Variants in IL33 observed in about 807,000 individuals in gnomAD.
The protein encoded by IL33 is interleukin-33.
A neutral mutation model predicts 27.3 loss-of-function variants in IL33; 37 were observed. The observed-to-expected ratio is 1.36, with a 90% confidence interval of 1.04 to 1.78. The LOEUF (loss-of-function observed/expected upper bound fraction) is 1.78. Ranked by LOEUF, IL33 falls within the 40% of genes most tolerant of loss-of-function variation. IL33 has a pLI of 0.00. For missense variants in IL33, 406 were observed against 311.4 expected, an observed-to-expected ratio of 1.30 and a Z score of -2.29; for synonymous variants, 132 against 102.9, an observed-to-expected ratio of 1.28 and a Z score of -1.71.
At chr9:6,222,217 C>T (rs777540596) in intron 1 of IL33, among the ~76,000 whole-genome samples, 3 of 152,154 alleles carry the variant, frequency 2.0e-5, no homozygotes, top group Non-Finnish European at 4.4e-5. Flanking sequence ...CCTCTGTACT[C>T]TTCAGTTTTA....
At chr9:6,220,630 A>G (rs538319122) in intron 1 of IL33, among the ~76,000 whole-genome samples, 3 of 152,128 alleles carry the variant, frequency 2.0e-5, no homozygotes, top group Admixed American at 6.5e-5. Context: ...TCCTCCCTAA[A>G]TTTTATTTTT....
chr9:6,218,651 C>G (rs7869067), intron 1 of IL33, among the ~76,000 whole-genome samples: 1 of 120,076 alleles, frequency 8.3e-6, no homozygotes, highest in Non-Finnish European at 1.7e-5. Context: ...TCTCCCTATA[C>G]ATATGTCCCC....
chr9:6,220,066 C>A (rs1272908322), intron 1 of IL33, among the ~76,000 whole-genome samples: 2 of 152,192 alleles, frequency 1.3e-5, no homozygotes, highest in Non-Finnish European at 2.9e-5. Flanking sequence ...AACCTTCTGT[C>A]TATTTCCTTC....
Position 6,220,560 on chromosome 9 carries a change from AG to A in IL33, c.-12+4709del, listed in dbSNP as rs535784739. Among the ~76,000 whole-genome samples the A allele has an allele frequency of 5.3e-3, 804 of 152,128 alleles. 3 individuals are homozygous for A. Among genetic ancestry groups the A allele is most frequent in the African/African-American group, 0.018 (753 of 41,506 alleles). On this transcript the variant is annotated intron_variant, in intron 1 of 7. Coordinates refer to ENST00000682010, the MANE Select transcript of IL33 (RefSeq NM_033439.4). ...TTTCTCCACTTGTTCTTTTCTTTGG[AG>A]AATTATTAGACCCAAACATGAACTT...
intron 1 of IL33, among the ~76,000 whole-genome samples, chr9:6,226,903 T>G (rs1204840191): frequency 2.0e-5 from 3 of 152,206 alleles, no homozygotes; most frequent in Non-Finnish European, 4.4e-5. Context: ...GTGGGAATGT[T>G]TGGTGGTTTG....
chr9:6,247,357 C>T (rs750226175), intron 2 of IL33, among the ~76,000 whole-genome samples: 2 of 152,130 alleles, frequency 1.3e-5, no homozygotes, highest in Non-Finnish European at 2.9e-5. Context: ...TCCAATGCCA[C>T]AGACAGGTCA....
chr9:6,235,455 G>C (rs1256016079), intron 1 of IL33, among the ~76,000 whole-genome samples: 2 of 152,056 alleles, frequency 1.3e-5, no homozygotes, highest in Admixed American at 1.3e-4. Context: ...TTATAATCTT[G>C]GAAGAGAAAA....
chr9:6,253,045 C>G (rs909050585), intron 5 of IL33, 54 bp downstream of exon 5: 2 of 1,174,138 alleles, frequency 1.7e-6, no homozygotes, highest in Admixed American at 2.5e-5. Context: ...AAAAGTAAAA[C>G]ATTTTAATAA....
chr9:6,223,021 C>G (rs201196169), intron 1 of IL33, among the ~76,000 whole-genome samples: 1 of 152,080 alleles, frequency 6.6e-6, no homozygotes, highest in East Asian at 1.9e-4. Flanking sequence ...ATTTATCATC[C>G]AGTTTAAAAA....
Position 6,255,040 on chromosome 9 carries a change from G to A in IL33, c.612+487G>A, listed in dbSNP as rs181012619. 2.7e-4 allele frequency among the ~76,000 whole-genome samples: 41 copies of A among 152,218 alleles called. No individual in the cohort carries two copies. The Middle Eastern group carries it at 0.01, about 38-fold the overall frequency. On this transcript the variant is annotated intron_variant, in intron 7 of 7. Transcript: ENST00000682010. Reference sequence around the variant, plus strand: ...AAATTTCCATTCTGAGCCTGCTTAAGGGAGAGTCATAAGCGTTTCCATGTG... The same window carrying A: ...AAATTTCCATTCTGAGCCTGCTTAAAGGAGAGTCATAAGCGTTTCCATGTG...
intron 1 of IL33, among the ~76,000 whole-genome samples, chr9:6,230,550 G>A (rs1039400217): frequency 6.6e-6 from 1 of 152,134 alleles, no homozygotes; most frequent in Non-Finnish European, 1.5e-5. Context: ...ACACTCCCCT[G>A]TGCTCCCATC....
At chr9:6,237,685 G>A (rs951423369) in intron 1 of IL33, among the ~76,000 whole-genome samples, 1 of 152,164 alleles carries the variant, frequency 6.6e-6, no homozygotes, top group African/African-American at 2.4e-5. Flanking sequence ...GACTCTCCTA[G>A]AGATAGAATG....
chr9:6,234,683 C>T (rs1392473789), intron 1 of IL33, among the ~76,000 whole-genome samples: 1 of 152,148 alleles, frequency 6.6e-6, no homozygotes, highest in East Asian at 1.9e-4. Flanking sequence ...ATTAACATTG[C>T]CCTCACTAGG....
intron 6 of IL33, 94 bp from the exon 7 acceptor site, chr9:6,254,368 A>C (rs529657671): frequency 1.4e-6 from 1 of 707,110 alleles, no homozygotes; most frequent in South Asian, 3.3e-5. Flanking sequence ...TATTTTATGT[A>C]ACATCTTAGA....
intron 1 of IL33, among the ~76,000 whole-genome samples, chr9:6,225,341 G>T (rs1001972612): frequency 1.3e-5 from 2 of 152,046 alleles, no homozygotes; most frequent in Admixed American, 6.5e-5. Flanking sequence ...ATTTTTCTTT[G>T]TTGTTGCTGA....
intron 4 of IL33, among the ~76,000 whole-genome samples, chr9:6,252,517 A>T (rs1460600479): frequency 6.6e-6 from 1 of 152,166 alleles, no homozygotes; most frequent in African/African-American, 2.4e-5. Flanking sequence ...GTCTATCAAA[A>T]TACAGTCCCT....
At chr9:6,253,434 T>C in intron 5 of IL33, 118 bp from the exon 6 acceptor site, 1 of 632,842 alleles carries the variant, frequency 1.6e-6, no homozygotes, top group African/African-American at 1.8e-5. Context: ...CACAAAAGAT[T>C]TGTTTTTATT....
chr9:6,255,317 T>G (rs1816661350), intron 7 of IL33, among the ~76,000 whole-genome samples: 3 of 152,100 alleles, frequency 2.0e-5, no homozygotes, highest in Admixed American at 6.6e-5. Flanking sequence ...AAATAGTGGA[T>G]AGTAACCAGC....
Position 6,251,086 on chromosome 9 carries a change from C to T in IL33, c.218-54C>T, listed in dbSNP as rs141673114. On this transcript the variant is annotated intron_variant, in intron 3 of 7. Transcript: ENST00000682010. The stretch of plus-strand genomic sequence containing the variant: ...CCTTAACTGGGAATCCTCAAAGGGG[C>T]ATTTGTGCAGAGTGGGGATTGATGG... The T allele has an allele frequency of 3.6e-4, 578 of 1,588,546 alleles. 1 individual carries two copies. In the African/African-American group the frequency reaches 6.7e-3, roughly 18 times the overall value.
Sources: gnomAD v4.1 joint callset for allele counts (sites outside exome capture counted in the v4.1 genomes callset) on GRCh38, gnomAD v4.1.1 for gene constraint, MANE v1.5 for transcripts, NCBI Gene and HGNC (gene_info 2026-07-23, HGNC 2026-07-21) for gene names.